Variants in ANO10 observed in about 807,000 individuals in gnomAD.
ANO10 encodes anoctamin-10.
In ANO10, 77 loss-of-function variants were observed where a neutral mutation model predicts 74.7. The ratio of observed to expected loss-of-function variants is 1.03; its 90% confidence interval spans 0.86 to 1.25. The LOEUF (loss-of-function observed/expected upper bound fraction) is 1.25, where lower values mean the gene tolerates loss of function less well. Among genes scored for constraint, ANO10 ranks in the 50% most tolerant of loss-of-function variants. The pLI is 0.00. For synonymous variants in ANO10, 279 were observed against 284.9 expected (o/e 0.98, Z 0.21); for missense variants, 721 against 778.1 (o/e 0.93, Z 0.87).
chr3:43,400,268 G>C (rs2092455678), intron 12 of ANO10, among the ~76,000 whole-genome samples: 1 of 151,584 alleles, frequency 6.6e-6, no homozygotes, highest in Non-Finnish European at 1.5e-5. Context: ...ATGGTAATAA[G>C]TGTTAGGGAT....
intron 11 of ANO10, among the ~76,000 whole-genome samples, chr3:43,460,676 T>C (rs2075337882): frequency 6.6e-6 from 1 of 152,120 alleles, no homozygotes; most frequent in African/African-American, 2.4e-5. Context: ...GAGAAAAGTC[T>C]TCATGAAGAA....
chr3:43,568,914 A>C (rs1458357735), intron 7 of ANO10, among the ~76,000 whole-genome samples: 1 of 149,910 alleles, frequency 6.7e-6, no homozygotes, highest in Non-Finnish European at 1.5e-5. Context: ...TTTTGAAAGG[A>C]TCAACAAAAT....
At position 43,679,539 on chromosome 3, in the gene ANO10, G is replaced by A. The variant is rs1414817821; in HGVS notation, c.-12+11978C>T. ...GCAGGGCATAGCCAAACAAAAGGCA[G>A]CAGAAAACTCTGCAGACTTAAATGT... On this transcript the variant is annotated intron_variant, in intron 1 of 3. Coordinates refer to the ANO10 transcript ENST00000413397. 7.2e-5 allele frequency among the ~76,000 whole-genome samples: 11 copies of A among 152,330 alleles called. No individual in the cohort carries two copies. In the East Asian group the frequency reaches 2.1e-3, roughly 29 times the overall value.
intron 11 of ANO10, among the ~76,000 whole-genome samples, chr3:43,525,175 A>ACCAAGACTGGGGAGCCT (rs2078137548): frequency 6.6e-6 from 1 of 152,146 alleles, no homozygotes; most frequent in African/African-American, 2.4e-5. Context: ...CTGTGCAGCC[A>ACCAAGACTGGGGAGCCT]GGTCATCTGG....
chr3:43,655,441 T>G (rs2083837941), intron 1 of ANO10, among the ~76,000 whole-genome samples: 1 of 152,312 alleles, frequency 6.6e-6, no homozygotes, highest in East Asian at 1.9e-4. Flanking sequence ...AGTAGCAAGA[T>G]TTATTGCAAA....
chr3:43,437,860 C>T (rs1358916578), intron 11 of ANO10, among the ~76,000 whole-genome samples: 1 of 136,910 alleles, frequency 7.3e-6, no homozygotes, highest in Non-Finnish European at 1.6e-5. Flanking sequence ...AACAAAAGGG[C>T]ATCTGAAAAA....
At chr3:43,484,995 T>C in intron 11 of ANO10, 1 of 1,446,034 alleles carries the variant, frequency 6.9e-7, no homozygotes, top group Non-Finnish European at 9.4e-7. Flanking sequence ...TTGGGCCTCT[T>C]GGTGGTGAGG....
chr3:43,379,190 A>G (rs1005858942), intron 12 of ANO10, among the ~76,000 whole-genome samples: 4 of 152,210 alleles, frequency 2.6e-5, no homozygotes, highest in African/African-American at 9.7e-5. Context: ...CCATCAAAAC[A>G]CATCTTGGGA....
chr3:43,404,278 A>T (rs962963416), intron 12 of ANO10, among the ~76,000 whole-genome samples: 3 of 152,192 alleles, frequency 2.0e-5, no homozygotes, highest in Admixed American at 6.5e-5. Flanking sequence ...AAGAAACTGC[A>T]GGTGGCCTCC....
upstream of ANO10, among the ~76,000 whole-genome samples, chr3:43,623,890 A>G (rs769852811): frequency 3.3e-5 from 5 of 152,210 alleles, no homozygotes; most frequent in Non-Finnish European, 7.3e-5. Flanking sequence ...ATGAACTTCA[A>G]TAAGTTTAGA....
chr3:43,572,971 G>C (rs78933012), intron 7 of ANO10, among the ~76,000 whole-genome samples: 2,706 of 151,554 alleles, frequency 0.018, 71 homozygotes, highest in African/African-American at 0.06. Context: ...AAGCACCGTG[G>C]AGGAAGAAGA....
intron 12 of ANO10, among the ~76,000 whole-genome samples, chr3:43,387,489 G>C (rs537510842): frequency 6.6e-6 from 1 of 152,274 alleles, no homozygotes; most frequent in East Asian, 1.9e-4. Flanking sequence ...CATGGTTTGT[G>C]GCAGAGGCCC....
chr3:43,407,396 A>G (rs1387021228), intron 12 of ANO10, among the ~76,000 whole-genome samples: 1 of 152,180 alleles, frequency 6.6e-6, no homozygotes, highest in Non-Finnish European at 1.5e-5. Flanking sequence ...AGACTGCCAA[A>G]TTGATCGCAG....
chr3:43,471,944 T>C (rs2075872691), intron 11 of ANO10, among the ~76,000 whole-genome samples: 1 of 151,484 alleles, frequency 6.6e-6, no homozygotes, highest in Non-Finnish European at 1.5e-5. Context: ...GTCAAATGTT[T>C]ATGGCAGCTC....
At chr3:43,489,810 C>A (rs1014216103) in intron 11 of ANO10, among the ~76,000 whole-genome samples, 1 of 151,568 alleles carries the variant, frequency 6.6e-6, no homozygotes, top group Admixed American at 6.6e-5. Flanking sequence ...GTGAAAAAAA[C>A]AAGGGGTAAA....
intron 9 of ANO10, among the ~76,000 whole-genome samples, chr3:43,559,681 T>A (rs984552577): frequency 6.6e-6 from 1 of 152,034 alleles, no homozygotes; most frequent in Non-Finnish European, 1.5e-5. Context: ...GCTGGTGCAG[T>A]TTCTATAAGA....
At chr3:43,610,037 T>G (rs2082738250) in intron 1 of ANO10, among the ~76,000 whole-genome samples, 1 of 152,208 alleles carries the variant, frequency 6.6e-6, no homozygotes, top group East Asian at 1.9e-4. Flanking sequence ...TTTTGATTTT[T>G]TTGACTTCTG....
intron 11 of ANO10, among the ~76,000 whole-genome samples, chr3:43,470,621 T>TTTA (rs1246234511): frequency 6.7e-6 from 1 of 148,192 alleles, no homozygotes; most frequent in African/African-American, 2.5e-5. Context: ...TATTTATTTA[T>TTTA]TTATTTATGT....
chr3:43,621,556 GCCC>G (rs2083392941), intron 1 of ANO10, among the ~76,000 whole-genome samples: 1 of 152,004 alleles, frequency 6.6e-6, no homozygotes, highest in Non-Finnish European at 1.5e-5. Flanking sequence ...AAGCGCTGAG[GCCC>G]CCAACATCCT....
Sources: gnomAD v4.1 joint callset for allele counts (sites outside exome capture counted in the v4.1 genomes callset) on GRCh38, gnomAD v4.1.1 for gene constraint, MANE v1.5 for transcripts, NCBI Gene and HGNC (gene_info 2026-07-23, HGNC 2026-07-21) for gene names.